The following ADGRL2 variants were observed in gnomAD, a reference collection of about 807,000 sequenced individuals.
ADGRL2 encodes the protein calcium-independent alpha-latrotoxin receptor 2.
Under a neutral mutation model 157.4 loss-of-function variants are expected in ADGRL2, and 44 were observed. That is an observed-to-expected ratio of 0.28 (90% CI 0.22 to 0.36). The LOEUF (loss-of-function observed/expected upper bound fraction) is 0.36, where lower values mean the gene tolerates loss of function less well. ADGRL2 is among the 10% of genes least tolerant of loss of function. The pLI is 1.00. For missense variants in ADGRL2, 1,510 were observed against 1,768.9 expected, an observed-to-expected ratio of 0.85 and a Z score of 2.63; for synonymous variants, 585 against 624.7, an observed-to-expected ratio of 0.94 and a Z score of 0.95.
rs6693782 is a variant in ADGRL2 at position 81,548,773 on chromosome 1, G to A, written c.-247-32103G>A. ...ATAATCTCAAAGAAGAAAAACTTTC[G>A]TGAGTCCCAAATTCTTGAATGATTA... is the stretch of plus-strand genomic sequence containing the variant. On this transcript the variant is annotated intron_variant, in intron 2 of 24. Transcript: ENST00000370721. Among the ~76,000 whole-genome samples the A allele has an allele frequency of 7.8e-3, 1,185 of 152,146 alleles. 15 individuals are homozygous for A. Among genetic ancestry groups the A allele is most frequent in the African/African-American group, 0.027 (1,132 of 41,514 alleles).
chr1:81,764,841 A>G (rs2086057083), intron 2 of ADGRL2, among the ~76,000 whole-genome samples: 1 of 152,056 alleles, frequency 6.6e-6, no homozygotes, highest in South Asian at 2.1e-4. Flanking sequence ...ATATCCTTAA[A>G]TTGAATATAC....
At chr1:81,979,801 A>C (rs566442898) in intron 17 of ADGRL2, 68 bp from the exon 18 acceptor site, 1 of 897,660 alleles carries the variant, frequency 1.1e-6, no homozygotes, top group Admixed American at 1.9e-5. Flanking sequence ...GGATCGATAC[A>C]TTTGCAAGAA....
intron 2 of ADGRL2, among the ~76,000 whole-genome samples, chr1:81,529,017 C>G (rs2079539118): frequency 6.6e-6 from 1 of 152,128 alleles, no homozygotes. Flanking sequence ...AAAGTAAAAC[C>G]TAAATGTTGC....
intron 1 of ADGRL2, among the ~76,000 whole-genome samples, chr1:81,391,351 A>G (rs1194147975): frequency 1.3e-5 from 2 of 152,306 alleles, no homozygotes; most frequent in African/African-American, 2.4e-5. Context: ...CTGCTCTGCG[A>G]TTTTACTATT....
chr1:81,857,975 T>A (rs2093262437), intron 2 of ADGRL2, among the ~76,000 whole-genome samples: 1 of 152,072 alleles, frequency 6.6e-6, no homozygotes, highest in Non-Finnish European at 1.5e-5. Context: ...CCCTTGAAAA[T>A]GTATGGGAAT....
At chr1:81,347,206 C>G (rs1299372993) in intron 1 of ADGRL2, among the ~76,000 whole-genome samples, 1 of 152,050 alleles carries the variant, frequency 6.6e-6, no homozygotes, top group African/African-American at 2.4e-5. Context: ...TGAGACCAGC[C>G]TGTCCAACGT....
chr1:81,463,384 T>C (rs2077981983), intron 2 of ADGRL2, among the ~76,000 whole-genome samples: 1 of 151,998 alleles, frequency 6.6e-6, no homozygotes, highest in South Asian at 2.1e-4. Flanking sequence ...TGTTTGGTAC[T>C]CAGTCAGCTC....
intron 2 of ADGRL2, among the ~76,000 whole-genome samples, chr1:81,794,639 A>C (rs371809753): frequency 6.6e-6 from 1 of 152,202 alleles, no homozygotes; most frequent in East Asian, 1.9e-4. Flanking sequence ...ATATGATTCT[A>C]AATTTGGATG....
In ADGRL2 at chr1:81,401,929, A is replaced by T. The variant is rs572716528; in HGVS notation, c.-301-43107A>T. ...AAGATAATAACTTGTTCAGCCATAG[A>T]GAAGAAAATAATGAGAATAAAGATT... On this transcript the variant is annotated intron_variant, in intron 1 of 24. Coordinates refer to the ADGRL2 transcript ENST00000370721. Among the ~76,000 whole-genome samples the T allele has an allele frequency of 2.6e-5, 4 of 152,356 alleles. No homozygotes were observed. The East Asian group carries it at 7.7e-4, about 29-fold the overall frequency.
chr1:81,560,772 G>A (rs182854111), intron 2 of ADGRL2, among the ~76,000 whole-genome samples: 66 of 152,124 alleles, frequency 4.3e-4, no homozygotes, highest in African/African-American at 1.5e-3. Flanking sequence ...CTGGTCATTC[G>A]GGAATCAGTA....
Position 81,952,408 on chromosome 1 carries a change from G to A in ADGRL2, c.1794+266G>A, listed in dbSNP as rs541486217. ...TATCTATCTGATTGTGGTCAATACT[G>A]TAAGTTTATAATGCATTATCTGCAC... On this transcript the variant is annotated intron_variant, in intron 9 of 23. Transcript: ENST00000686636. Among the ~76,000 whole-genome samples, 4 of 152,180 alleles carry A rather than the reference G, an allele frequency of 2.6e-5. No individual in the cohort carries two copies. In the South Asian group the frequency reaches 8.3e-4, roughly 32 times the overall value.
Position 81,676,528 on chromosome 1 carries a change from T to C in ADGRL2, c.-142-85283T>C, listed in dbSNP as rs1182542674. Among the ~76,000 whole-genome samples, 4 of 151,888 alleles carry C rather than the reference T, an allele frequency of 2.6e-5. No homozygotes were observed. The East Asian group carries it at 7.8e-4, about 29-fold the overall frequency. On this transcript the variant is annotated intron_variant, in intron 3 of 24. Transcript: ENST00000370721. ...GTTGACTAGGCTGTTTTTGAACTTC[T>C]GGACTCAAGTGATTCCTCTACCTTG...
intron 3 of ADGRL2, among the ~76,000 whole-genome samples, chr1:81,686,843 T>C (rs2148974673): frequency 6.6e-6 from 1 of 152,314 alleles, no homozygotes; most frequent in Non-Finnish European, 1.5e-5. Context: ...ATCATAATTG[T>C]CATTCAGTTT....
chr1:81,554,483 T>C (rs1430379236), intron 2 of ADGRL2, among the ~76,000 whole-genome samples: 1 of 151,972 alleles, frequency 6.6e-6, no homozygotes, highest in African/African-American at 2.4e-5. Context: ...ACTTTCTCTT[T>C]TTTTTTTTGG....
At chr1:81,766,761 C>T (rs925600288) in intron 2 of ADGRL2, among the ~76,000 whole-genome samples, 3 of 136,972 alleles carry the variant, frequency 2.2e-5, no homozygotes, top group Admixed American at 8.5e-5. Flanking sequence ...ACCCAGGAGG[C>T]GGAGATTGTG....
chr1:81,934,548 T>A (rs1050702751), intron 3 of ADGRL2, among the ~76,000 whole-genome samples: 1 of 151,998 alleles, frequency 6.6e-6, no homozygotes, highest in Non-Finnish European at 1.5e-5. Context: ...AATAGCAAAG[T>A]CTTTCATGTT....
intron 2 of ADGRL2, among the ~76,000 whole-genome samples, chr1:81,779,933 G>A (rs766607978): frequency 1.3e-5 from 2 of 152,216 alleles, no homozygotes; most frequent in African/African-American, 2.4e-5. Flanking sequence ...AGGTATGAAA[G>A]TTTCTGCAGA....
intron 2 of ADGRL2, among the ~76,000 whole-genome samples, chr1:81,777,755 C>T (rs2086644471): frequency 6.6e-6 from 1 of 152,058 alleles, no homozygotes; most frequent in African/African-American, 2.4e-5. Flanking sequence ...AAGTGAGACT[C>T]TGTTTCAACA....
chr1:81,950,581 T>A, intron 7 of ADGRL2, 99 bp downstream of exon 7: 1 of 1,123,790 alleles, frequency 8.9e-7, no homozygotes, highest in Non-Finnish European at 1.3e-6. Context: ...ATGTTTACAG[T>A]AGCTAACTTT....
Sources: gnomAD v4.1 joint callset for allele counts (sites outside exome capture counted in the v4.1 genomes callset) on GRCh38, gnomAD v4.1.1 for gene constraint, MANE v1.5 for transcripts, NCBI Gene and HGNC (gene_info 2026-07-23, HGNC 2026-07-21) for gene names.